The following TENM2 variants were observed in gnomAD, a reference collection of about 807,000 sequenced individuals.
TENM2 encodes teneurin-2.
Under a neutral mutation model 245.2 loss-of-function variants are expected in TENM2, and 52 were observed. The observed-to-expected ratio is 0.21, with a 90% CI of 0.17 to 0.27. The LOEUF is 0.27. TENM2 is among the 10% of genes least tolerant of loss of function. The pLI, the probability that TENM2 is intolerant of heterozygous loss-of-function variation, is 1.00. For missense variants in TENM2, 3,046 were observed against 3,666.8 expected (o/e 0.83, Z 4.37); for synonymous variants, 1,363 against 1,438.9 (o/e 0.95, Z 1.19).
chr5:168,166,440 C>A (rs7712496), intron 13 of TENM2, among the ~76,000 whole-genome samples: 1 of 152,020 alleles, frequency 6.6e-6, no homozygotes, highest in Non-Finnish European at 1.5e-5. Flanking sequence ...ATATTTGAAA[C>A]CTTTAACAGC....
At chr5:167,721,459 G>C (rs1302409910) in intron 2 of TENM2, 1 of 152,162 alleles carries the variant, frequency 6.6e-6, no homozygotes, top group Non-Finnish European at 1.5e-5. Context: ...TGTTAGTTGG[G>C]TTTCGTCTCT....
intron 2 of TENM2, among the ~76,000 whole-genome samples, chr5:167,585,164 C>G (rs1561575585): frequency 6.6e-6 from 1 of 152,174 alleles, no homozygotes; most frequent in Non-Finnish European, 1.5e-5. Context: ...CTTCTTCTCT[C>G]TCTATTTTCC....
intron 12 of TENM2, among the ~76,000 whole-genome samples, chr5:168,154,206 T>C (rs1361785741): frequency 2.3e-5 from 3 of 132,158 alleles, no homozygotes; most frequent in Non-Finnish European, 3.2e-5. Flanking sequence ...AAAAGTAAGA[T>C]ACATCTTCCT....
chr5:167,051,111 C>T, the TENM2 span, among the ~76,000 whole-genome samples: 1,196 of 151,784 alleles, frequency 7.9e-3, 18 homozygotes, highest in African/African-American at 0.027. Context: ...AATTTGCAAC[C>T]GAACCTTCCT....
At chr5:167,853,132 C>CAA (rs562404943) in intron 2 of TENM2, among the ~76,000 whole-genome samples, 1 of 149,984 alleles carries the variant, frequency 6.7e-6, no homozygotes, top group African/African-American at 2.5e-5. Flanking sequence ...TAAAAAAATA[C>CAA]AAAAAAAATT....
chr5:167,643,842 G>A (rs935919238), intron 2 of TENM2, among the ~76,000 whole-genome samples: 6 of 152,194 alleles, frequency 3.9e-5, no homozygotes, highest in African/African-American at 1.2e-4. Context: ...ATGCAAATAC[G>A]TGTTAAGTAA....
rs886699874 is a variant in TENM2 at position 168,151,770 on chromosome 5, C to T, written c.2423-10841C>T. ...GAATCTGTTGGAAGCCCTAACATAC[C>T]AAAACAAGTGACTTGGTATAAAAGT... is the stretch of plus-strand genomic sequence containing the variant. On this transcript the variant is annotated intron_variant, in intron 12 of 28. Transcript: ENST00000518659. 5.3e-5 allele frequency among the ~76,000 whole-genome samples: 8 copies of T among 152,192 alleles called. No homozygotes were observed. The South Asian group carries it at 1.7e-3, about 32-fold the overall frequency.
At chr5:167,507,688 G>T (rs1237510699) in intron 2 of TENM2, among the ~76,000 whole-genome samples, 1 of 152,052 alleles carries the variant, frequency 6.6e-6, no homozygotes, top group East Asian at 1.9e-4. Context: ...AACTTTTGTT[G>T]CAGAGCTCAA....
the TENM2 span, among the ~76,000 whole-genome samples, chr5:167,198,095 C>T: frequency 4.6e-5 from 7 of 151,802 alleles, no homozygotes; most frequent in Non-Finnish European, 1.0e-4. Flanking sequence ...TTCAAACTGC[C>T]CAGGGACAGA....
chr5:167,178,810 G>A, the TENM2 span, among the ~76,000 whole-genome samples: 7 of 152,256 alleles, frequency 4.6e-5, no homozygotes, highest in East Asian at 1.9e-4. Flanking sequence ...TTGCACACAC[G>A]CATATAAAAT....
In TENM2 at chr5:168,199,860, C is replaced by T; in HGVS notation, c.3163-4C>T. On this transcript the variant is annotated splice_region_variant and splice_polypyrimidine_tract_variant and intron_variant, in intron 16 of 28. Coordinates refer to ENST00000518659, the Ensembl canonical transcript of TENM2. The stretch of plus-strand genomic sequence containing the variant: ...TGTGTGTCTGCCATGTGTTTCCTCT[C>T]CAGGTTCTTCATGAAGAAATCGAGC... 1 of 1,612,918 alleles carries T rather than the reference C, an allele frequency of 6.2e-7. No homozygotes were observed.
chr5:167,817,662 A>C (rs1289537620), intron 2 of TENM2, among the ~76,000 whole-genome samples: 1 of 152,216 alleles, frequency 6.6e-6, no homozygotes, highest in East Asian at 1.9e-4. Context: ...AAATATGTTC[A>C]GTAAAAAGTT....
chr5:168,007,281 A>G (rs1220716082), intron 5 of TENM2, among the ~76,000 whole-genome samples: 2 of 152,136 alleles, frequency 1.3e-5, no homozygotes, highest in African/African-American at 4.8e-5. Context: ...GGCGCCCGCC[A>G]TCACGCCCAC....
At chr5:167,386,700 A>G (rs2112582) in intron 2 of TENM2, among the ~76,000 whole-genome samples, 52,148 of 152,024 alleles carry the variant, frequency 0.34, 9,547 homozygotes, top group African/African-American at 0.48. Flanking sequence ...AAGATGAGAG[A>G]TGAGGATCCA....
At chr5:167,612,645 A>T (rs779690319) in intron 2 of TENM2, among the ~76,000 whole-genome samples, 1 of 152,144 alleles carries the variant, frequency 6.6e-6, no homozygotes, top group Non-Finnish European at 1.5e-5. Context: ...ATTAATTTCA[A>T]TTGGACTCAG....
At chr5:167,334,668 A>G (rs1230032302) in intron 1 of TENM2, among the ~76,000 whole-genome samples, 2 of 152,082 alleles carry the variant, frequency 1.3e-5, no homozygotes, top group Non-Finnish European at 2.9e-5. Context: ...TTGTGATAGC[A>G]TGCTACGACA....
At chr5:167,265,331 CAAAAAAAAAAAA>C in the TENM2 span, among the ~76,000 whole-genome samples, 158 of 39,404 alleles carry the variant, frequency 4.0e-3, no homozygotes, top group African/African-American at 0.01. Flanking sequence ...GACTCTGTCT[CAAAAAAAAAAAA>C]AAAAAAAAAA....
At chr5:167,251,473 C>T in the TENM2 span, among the ~76,000 whole-genome samples, 1 of 152,204 alleles carries the variant, frequency 6.6e-6, no homozygotes, top group South Asian at 2.1e-4. Flanking sequence ...TTACAGTGTC[C>T]TTCACTCACT....
At chr5:167,221,609 A>C in the TENM2 span, among the ~76,000 whole-genome samples, 1 of 152,202 alleles carries the variant, frequency 6.6e-6, no homozygotes, top group Non-Finnish European at 1.5e-5. Context: ...CAATTTATAG[A>C]ATACCAAAAA....
Sources: gnomAD v4.1 joint callset for allele counts (sites outside exome capture counted in the v4.1 genomes callset) on GRCh38, gnomAD v4.1.1 for gene constraint, MANE v1.5 for transcripts, NCBI Gene and HGNC (gene_info 2026-07-23, HGNC 2026-07-21) for gene names.